The following COMMD1 variants were observed in gnomAD, a reference collection of about 807,000 sequenced individuals.
The protein encoded by COMMD1 is copper metabolism domain containing 1, also known as COMM domain-containing protein 1.
A neutral mutation model predicts 17.2 loss-of-function variants in COMMD1; 10 were observed. That is an observed-to-expected ratio of 0.58 (90% CI 0.36 to 0.99). The LOEUF (loss-of-function observed/expected upper bound fraction) is 0.99, where lower values mean the gene tolerates loss of function less well. Among genes scored for constraint, COMMD1 ranks in the 50% least tolerant of loss-of-function variants. COMMD1 has a pLI of 0.01. For missense variants in COMMD1, 270 were observed against 231.8 expected (o/e 1.17, Z -1.07); for synonymous variants, 97 against 91.6 (o/e 1.06, Z -0.34).
At chr2:62,081,082 A>G (rs978634040) in intron 2 of COMMD1, among the ~76,000 whole-genome samples, 2 of 151,898 alleles carry the variant, frequency 1.3e-5, no homozygotes, top group East Asian at 3.9e-4. Context: ...TGATTTTAGG[A>G]TTAGGATTTC....
chr2:62,070,547 C>CT (rs1165637743), intron 2 of COMMD1, among the ~76,000 whole-genome samples: 1 of 35,804 alleles, frequency 2.8e-5, no homozygotes, highest in Non-Finnish European at 4.4e-5. Flanking sequence ...GACCCTGTCT[C>CT]TAAAAAAAAA....
chr2:61,888,972 TCTCGGCTCACTGCAG>T (rs1669343312), intron 1 of COMMD1: 1 of 148,904 alleles, frequency 6.7e-6, no homozygotes, highest in African/African-American at 2.5e-5. Context: ...TGGCGCAAAA[TCTCGGCTCACTGCAG>T]CCTCCGCCTC....
At chr2:62,133,935 G>A (rs770520438) in intron 2 of COMMD1, among the ~76,000 whole-genome samples, 8 of 152,002 alleles carry the variant, frequency 5.3e-5, no homozygotes, top group African/African-American at 1.2e-4. Context: ...AGGACTACAG[G>A]TGCGCACCAC....
intron 2 of COMMD1, among the ~76,000 whole-genome samples, chr2:62,045,331 A>G (rs1212900471): frequency 6.6e-6 from 1 of 152,174 alleles, no homozygotes; most frequent in Non-Finnish European, 1.5e-5. Flanking sequence ...TAGTGATGTT[A>G]TCTGTAGGAG....
intron 2 of COMMD1, among the ~76,000 whole-genome samples, chr2:62,057,741 T>C (rs1015163395): frequency 6.6e-6 from 1 of 151,862 alleles, no homozygotes; most frequent in African/African-American, 2.4e-5. Flanking sequence ...GGCTAATTTT[T>C]TTTTTTTCTC....
rs1236842930 is a variant in COMMD1 at position 62,020,142 on chromosome 2, C to G, written c.462+19160C>G. ...GTACATTACTTCTCTATGTGAAGAC[C>G]TGTGAAACTAAAGAGGCAAATTGTT... On this transcript the variant is annotated intron_variant, in intron 2 of 2. Transcript: ENST00000311832. 2.0e-5 allele frequency among the ~76,000 whole-genome samples: 3 copies of G among 152,290 alleles called. No homozygotes were observed. The East Asian group carries it at 5.8e-4, about 29-fold the overall frequency.
At chr2:61,948,033 ATAAAG>A (rs1326827103) in intron 1 of COMMD1, among the ~76,000 whole-genome samples, 1 of 152,144 alleles carries the variant, frequency 6.6e-6, no homozygotes, top group Non-Finnish European at 1.5e-5. Context: ...TAAAATATCA[ATAAAG>A]TATACATATA....
At chr2:61,959,596 A>G (rs1671286643) in intron 1 of COMMD1, among the ~76,000 whole-genome samples, 1 of 152,206 alleles carries the variant, frequency 6.6e-6, no homozygotes, top group Non-Finnish European at 1.5e-5. Context: ...AAAGACACAC[A>G]TCTTGTTCAT....
At chr2:62,030,945 A>G (rs1558569439) in intron 2 of COMMD1, among the ~76,000 whole-genome samples, 1 of 152,202 alleles carries the variant, frequency 6.6e-6, no homozygotes, top group Non-Finnish European at 1.5e-5. Flanking sequence ...TTATAGATAC[A>G]GGTGCTTCTT....
intron 2 of COMMD1, among the ~76,000 whole-genome samples, chr2:62,131,782 A>G (rs1673040750): frequency 6.6e-6 from 1 of 151,708 alleles, no homozygotes; most frequent in South Asian, 2.1e-4. Context: ...GGCTCAAGCA[A>G]TTCACCTGCC....
upstream of COMMD1, among the ~76,000 whole-genome samples, chr2:61,904,638 A>C (rs7606632): frequency 0.11 from 16,835 of 152,266 alleles, 2,156 homozygotes; most frequent in African/African-American, 0.31. Context: ...ATATTATATT[A>C]TAAATTCCTT....
chr2:61,997,915 A>G (rs1294853744), intron 1 of COMMD1, among the ~76,000 whole-genome samples: 6 of 152,240 alleles, frequency 3.9e-5, no homozygotes, highest in African/African-American at 1.4e-4. Flanking sequence ...TATTTCATCT[A>G]TATTGAAAAC....
chr2:61,899,562 C>T (rs759705677), intron 1 of COMMD1, among the ~76,000 whole-genome samples: 7 of 152,100 alleles, frequency 4.6e-5, no homozygotes, highest in Non-Finnish European at 8.8e-5. Flanking sequence ...GTTTAATTCT[C>T]GAGTCCAGCC....
At chr2:61,903,922 G>A (rs1345037374), upstream of COMMD1, among the ~76,000 whole-genome samples, 1 of 152,096 alleles carries the variant, frequency 6.6e-6, no homozygotes, top group East Asian at 1.9e-4. Flanking sequence ...CCCATGCAGG[G>A]TACGTTCATA....
At chr2:62,128,772 G>A (rs1672950796) in intron 2 of COMMD1, among the ~76,000 whole-genome samples, 4 of 151,942 alleles carry the variant, frequency 2.6e-5, no homozygotes, top group Admixed American at 2.6e-4. Flanking sequence ...CTAACATAGT[G>A]AAACCCCATC....
At chr2:61,900,758 G>T (rs371898562), upstream of COMMD1, among the ~76,000 whole-genome samples, 281 of 152,130 alleles carry the variant, frequency 1.8e-3, 2 homozygotes, top group African/African-American at 6.4e-3. Context: ...AAACTAGGGG[G>T]TTTATAGAAA....
intron 1 of COMMD1, among the ~76,000 whole-genome samples, chr2:61,916,794 T>C (rs893658008): frequency 6.6e-6 from 1 of 152,172 alleles, no homozygotes; most frequent in African/African-American, 2.4e-5. Context: ...TGGAATGTAG[T>C]ATTAGGAATT....
rs564303997 is a variant in COMMD1 at position 61,963,091 on chromosome 2, C to T, written c.181-37610C>T. 8.0e-5 allele frequency among the ~76,000 whole-genome samples: 12 copies of T among 150,152 alleles called. 3 individuals carry two copies. Among genetic ancestry groups the T allele is most frequent in the African/African-American group, 2.5e-4 (10 of 40,666 alleles). ...AGGAGAATCACTTGAACCCAGGAGG[C>T]GGAGGTTACAGTGAGCCGAGATCAT... On this transcript the variant is annotated intron_variant, in intron 1 of 2. Transcript: ENST00000311832.
chr2:62,105,303 C>T (rs1190582389), intron 2 of COMMD1, among the ~76,000 whole-genome samples: 1 of 152,024 alleles, frequency 6.6e-6, no homozygotes, highest in African/African-American at 2.4e-5. Context: ...TGTCACCTTC[C>T]TTGCCTATAC....
Sources: allele counts gnomAD v4.1 joint callset (sites outside exome capture counted in the v4.1 genomes callset), GRCh38; gene constraint gnomAD v4.1.1; transcripts MANE v1.5; gene names NCBI Gene and HGNC (gene_info 2026-07-23, HGNC 2026-07-21).